WNK1: variants seen among roughly 807,000 people sequenced by gnomAD.
WNK1 encodes serine/threonine-protein kinase WNK1.
Under a neutral mutation model 222.8 loss-of-function variants are expected in WNK1, and 38 were observed. That is an observed-to-expected ratio of 0.17 (90% CI 0.13 to 0.22). The LOEUF is 0.22. Among genes scored for constraint, WNK1 ranks in the 10% least tolerant of loss-of-function variants. The probability of loss-of-function intolerance (pLI) is 1.00; values close to 1 mark genes in which losing one functional copy is unlikely to be tolerated. For synonymous variants in WNK1, 1,090 were observed against 1,092.9 expected (o/e 1.00, Z 0.05); for missense variants, 2,348 against 2,918.4 (o/e 0.80, Z 4.50).
chr12:863,381 A>G (rs1592069195), intron 8 of WNK1, among the ~76,000 whole-genome samples: 2 of 152,288 alleles, frequency 1.3e-5, no homozygotes, highest in African/African-American at 4.8e-5. Flanking sequence ...TAACTTTTTA[A>G]AACAATCTAC....
rs895404580 is a variant in WNK1 at position 905,746 on chromosome 12, G to A, written c.6644-2101G>A. Among the ~76,000 whole-genome samples, 18 of 152,118 alleles carry A rather than the reference G, an allele frequency of 1.2e-4. 1 individual carries two copies. The highest frequency in any genetic ancestry group is 4.1e-4 in the African/African-American group (17 of 41,424). On this transcript the variant is annotated intron_variant, in intron 26 of 27. Transcript: ENST00000315939. ...CCACTCTCTCACATTGGCTGTTCAT[G>A]GAAGGCTGTTTTCTGTGCTCTCATG... is the stretch of plus-strand genomic sequence containing the variant.
chr12:889,149 C>A lies in WNK1; in HGVS notation c.5374C>A (p.Pro1792Thr). 6.2e-7 allele frequency: 1 copy of A among 1,614,058 alleles called. No homozygotes were observed. Among genetic ancestry groups the A allele is most frequent in the Non-Finnish European group, 8.5e-7 (1 of 1,179,958 alleles). ...PGPSLTQSQQPLEDLDAQLRR... is the reference protein window; with the variant it reads ...PGPSLTQSQQTLEDLDAQLRR... ...GATTGTTTTCATTCAGTCCCAGCAA[C>A]CTCTAGAGGATCTTGATGCTCAATT... The change falls in exon 21 of 28, where the codon CCT becomes ACT. Residue 1792 changes from proline to threonine, a missense_variant. Physicochemically the swap from Pro to Thr is conservative, Grantham distance 38 (BLOSUM62 -1). Coordinates refer to ENST00000315939, the MANE Select transcript of WNK1 (RefSeq NM_018979.4).
intron 9 of WNK1, among the ~76,000 whole-genome samples, chr12:872,391 C>T (rs1341637930): frequency 6.6e-6 from 1 of 152,172 alleles, no homozygotes; most frequent in Non-Finnish European, 1.5e-5. Context: ...TCAAGTGATC[C>T]ACCCGCTTTG....
chr12:814,516 G>C (rs1452790944), intron 2 of WNK1, among the ~76,000 whole-genome samples: 2 of 152,036 alleles, frequency 1.3e-5, no homozygotes, highest in African/African-American at 4.8e-5. Context: ...AATACTTTTA[G>C]TTCCATTTCC....
rs773987890 is a variant in WNK1 at position 908,652 on chromosome 12, T to C, written c.7009T>C (p.Trp2337Arg). 1.2e-6 allele frequency: 2 copies of C among 1,614,204 alleles called. No homozygotes were observed. The highest frequency in any genetic ancestry group is 1.7e-6 in the Non-Finnish European group (2 of 1,180,042). ...GFPATPFGAQ[W>R]SGTGGPAPQP... Reference sequence around the variant, plus strand: ...TCCAGCTACCCCATTTGGCGCTCAATGGAGTGGGACGGGTGGCCCAGCACC... The same window carrying C: ...TCCAGCTACCCCATTTGGCGCTCAACGGAGTGGGACGGGTGGCCCAGCACC... Residue 2337 changes from tryptophan to arginine, a missense_variant, in exon 28 of 28, where the codon TGG (tryptophan) becomes CGG (arginine). Physicochemically the swap from Trp to Arg is moderately radical, Grantham distance 101. Around this residue, in one of 13 missense-constraint regions of WNK1, gnomAD observed 76 missense variants for 85.7 expected, o/e 0.89. Coordinates refer to ENST00000315939, the MANE Select transcript of WNK1 (RefSeq NM_018979.4).
At chr12:851,841 G>T (rs1341583543) in intron 4 of WNK1, 2 of 1,214,710 alleles carry the variant, frequency 1.6e-6, no homozygotes, top group Non-Finnish European at 2.1e-6. Flanking sequence ...TGGTGATATT[G>T]GTAGAAAGTT....
intron 1 of WNK1, among the ~76,000 whole-genome samples, chr12:794,918 A>AT (rs1287502129): frequency 2.6e-5 from 4 of 151,938 alleles, no homozygotes; most frequent in Non-Finnish European, 2.9e-5. Flanking sequence ...TGCCTGGCTA[A>AT]TTTTTTTAAA....
intron 1 of WNK1, among the ~76,000 whole-genome samples, chr12:765,769 A>G (rs145968390): frequency 8.5e-4 from 130 of 152,292 alleles, no homozygotes; most frequent in African/African-American, 2.9e-3. Flanking sequence ...TGGGTCTCCA[A>G]AAAATTTTAA....
intron 4 of WNK1, chr12:851,803 T>C: frequency 7.5e-7 from 1 of 1,324,832 alleles, no homozygotes; most frequent in Non-Finnish European, 9.9e-7. Flanking sequence ...ATTTCCAGTA[T>C]ATGTAACAGT....
At chr12:880,195 GTGATTCC>G (rs1233298395) in intron 11 of WNK1, among the ~76,000 whole-genome samples, 164 bp downstream of exon 11, 1 of 152,234 alleles carries the variant, frequency 6.6e-6, no homozygotes, top group Non-Finnish European at 1.5e-5. Context: ...ATGATGTTCA[GTGATTCC>G]TGATCCATTT....
At chr12:770,388 AAAAG>A (rs1942332078) in intron 1 of WNK1, among the ~76,000 whole-genome samples, 1 of 152,210 alleles carries the variant, frequency 6.6e-6, no homozygotes, top group Non-Finnish European at 1.5e-5. Flanking sequence ...TTTAGTATGA[AAAAG>A]AAAAGCATTT....
intron 8 of WNK1, chr12:868,246 A>C: frequency 1.2e-6 from 2 of 1,603,352 alleles, no homozygotes; most frequent in Non-Finnish European, 1.7e-6. Context: ...TTCCAGAAGA[A>C]GCTCACTATT....
At chr12:869,908 G>T (rs1237248238) in intron 8 of WNK1, among the ~76,000 whole-genome samples, 1 of 151,688 alleles carries the variant, frequency 6.6e-6, no homozygotes, top group Non-Finnish European at 1.5e-5. Flanking sequence ...TTTAATTTTA[G>T]TTATTTATGT....
intron 1 of WNK1, among the ~76,000 whole-genome samples, chr12:785,622 C>G (rs1241134371): frequency 1.3e-5 from 2 of 152,138 alleles, no homozygotes; most frequent in South Asian, 2.1e-4. Flanking sequence ...TGATCTGGAT[C>G]TCCTGACCTC....
At chr12:771,968 C>CTT (rs36118220) in intron 1 of WNK1, among the ~76,000 whole-genome samples, 1 of 146,062 alleles carries the variant, frequency 6.8e-6, no homozygotes, top group East Asian at 2.0e-4. Context: ...CAGAAGCTTA[C>CTT]TTTTTTTTTT....
chr12:782,591 A>T (rs1244599830), intron 1 of WNK1, among the ~76,000 whole-genome samples: 1 of 151,650 alleles, frequency 6.6e-6, no homozygotes, highest in Non-Finnish European at 1.5e-5. Context: ...TGCAACCTCC[A>T]CCTCCCAGGT....
At chr12:901,126 G>T in intron 26 of WNK1, 1 of 282,694 alleles carries the variant, frequency 3.5e-6, no homozygotes, top group Non-Finnish European at 6.9e-6. Flanking sequence ...TCCAAATATA[G>T]CTCTGTTTAT....
At position 768,281 on chromosome 12, in the gene WNK1, G is replaced by T. The variant is rs142548337; in HGVS notation, c.759+13957G>T. Among the ~76,000 whole-genome samples the T allele has an allele frequency of 4.3e-3, 654 of 152,148 alleles. 5 individuals carry two copies. The highest frequency in any genetic ancestry group is 0.015 in the African/African-American group (615 of 41,510). On this transcript the variant is annotated intron_variant, in intron 1 of 27. Coordinates refer to ENST00000315939, the MANE Select transcript of WNK1 (RefSeq NM_018979.4). ...CTCCCAAGTAGCTGGGGTTACAGGC[G>T]CTTGCAACCATGACCAGCTAATTTT... is the stretch of plus-strand genomic sequence containing the variant.
At chr12:778,477 C>A (rs1207240847) in intron 1 of WNK1, among the ~76,000 whole-genome samples, 1 of 151,914 alleles carries the variant, frequency 6.6e-6, no homozygotes, top group South Asian at 2.1e-4. Context: ...GGATTACAGG[C>A]ATGCCATCAC....
Sources: allele counts gnomAD v4.1 joint callset (sites outside exome capture counted in the v4.1 genomes callset), GRCh38; gene constraint gnomAD v4.1.1; regional missense constraint gnomAD v4.1.1; transcripts MANE v1.5; gene names NCBI Gene and HGNC (gene_info 2026-07-23, HGNC 2026-07-21).